Variants in EPHA6 observed in about 807,000 individuals in gnomAD.
EPHA6 encodes EPH receptor A6, also known as ephrin type-A receptor 6.
Under a neutral mutation model 112.0 loss-of-function variants are expected in EPHA6, and 50 were observed. The observed-to-expected ratio is 0.45, with a 90% CI of 0.36 to 0.56. The LOEUF (loss-of-function observed/expected upper bound fraction) is 0.56. Ranked by LOEUF, EPHA6 falls within the 20% of genes least tolerant of loss-of-function variation. The pLI is 0.00. For missense variants in EPHA6, 1,280 were observed against 1,417.4 expected, an observed-to-expected ratio of 0.90 and a Z score of 1.56; for synonymous variants, 529 against 490.7, an observed-to-expected ratio of 1.08 and a Z score of -1.03.
At chr3:97,310,866 A>G (rs2081526281) in intron 5 of EPHA6, among the ~76,000 whole-genome samples, 1 of 151,734 alleles carries the variant, frequency 6.6e-6, no homozygotes, top group African/African-American at 2.4e-5. Context: ...TTTGAGATTC[A>G]TTTGTATGGT....
At chr3:97,662,700 C>T (rs941609828) in intron 14 of EPHA6, among the ~76,000 whole-genome samples, 3 of 152,192 alleles carry the variant, frequency 2.0e-5, no homozygotes, top group Non-Finnish European at 4.4e-5. Flanking sequence ...TGGCATACCC[C>T]TAGCATCTAC....
At chr3:97,733,562 T>C (rs2035129216) in intron 15 of EPHA6, among the ~76,000 whole-genome samples, 1 of 152,056 alleles carries the variant, frequency 6.6e-6, no homozygotes, top group South Asian at 2.1e-4. Flanking sequence ...TATTTATTAA[T>C]GTGTCAGGCA....
At chr3:96,826,897 T>C (rs1204878403) in intron 1 of EPHA6, among the ~76,000 whole-genome samples, 1 of 152,172 alleles carries the variant, frequency 6.6e-6, no homozygotes, top group African/African-American at 2.4e-5. Context: ...GAATAAGTAC[T>C]TCATATACTA....
chr3:97,290,356 G>T (rs946003094), intron 5 of EPHA6, among the ~76,000 whole-genome samples: 2 of 152,096 alleles, frequency 1.3e-5, no homozygotes, highest in African/African-American at 2.4e-5. Context: ...TTGCGTCTAA[G>T]TATGTGGTGG....
intron 5 of EPHA6, among the ~76,000 whole-genome samples, chr3:97,333,125 T>C (rs2082880642): frequency 6.6e-6 from 1 of 152,120 alleles, no homozygotes; most frequent in Non-Finnish European, 1.5e-5. Context: ...TATTTAGATT[T>C]TCTTTGATTT....
intron 10 of EPHA6, among the ~76,000 whole-genome samples, chr3:97,505,120 G>A (rs376332289): frequency 4.8e-4 from 73 of 152,212 alleles, no homozygotes; most frequent in East Asian, 1.5e-3. Context: ...TGGCAAGGGC[G>A]TAGACTTGCT....
intron 3 of EPHA6, among the ~76,000 whole-genome samples, chr3:97,089,877 G>A (rs967617345): frequency 6.6e-6 from 1 of 152,018 alleles, no homozygotes; most frequent in African/African-American, 2.4e-5. Context: ...GAAAACTGAT[G>A]TGATGCTGGT....
chr3:97,150,953 A>C (rs536818215), intron 3 of EPHA6, among the ~76,000 whole-genome samples: 2 of 152,078 alleles, frequency 1.3e-5, no homozygotes, highest in South Asian at 4.1e-4. Context: ...CATTTATCAG[A>C]TTTTTTAAAG....
intron 4 of EPHA6, among the ~76,000 whole-genome samples, chr3:97,228,400 T>G (rs1402638292): frequency 2.0e-5 from 3 of 152,084 alleles, no homozygotes; most frequent in African/African-American, 2.4e-5. Flanking sequence ...ACCAGTTATG[T>G]GAGAACATAT....
At chr3:97,053,252 T>C (rs1218499261) in intron 3 of EPHA6, among the ~76,000 whole-genome samples, 1 of 151,990 alleles carries the variant, frequency 6.6e-6, no homozygotes, top group Admixed American at 6.6e-5. Context: ...TGAAGGGTTA[T>C]AGTAAGTAAG....
chr3:97,670,105 A>G (rs564924239), intron 14 of EPHA6, among the ~76,000 whole-genome samples: 13 of 152,354 alleles, frequency 8.5e-5, no homozygotes, highest in African/African-American at 2.9e-4. Context: ...AGACTTAGCT[A>G]TAATATCCAC....
chr3:97,225,081 G>A lies in EPHA6; in HGVS notation c.1115-1183G>A, dbSNP rs548090400. 4.6e-5 allele frequency among the ~76,000 whole-genome samples: 7 copies of A among 152,184 alleles called. No homozygotes were observed. The South Asian group carries it at 8.3e-4, about 18-fold the overall frequency. ...CGCCATTCTCCTGCCTCAGTCTCCC[G>A]AGTAGCTGGGACTACAGGCGCCCGC... is the stretch of plus-strand genomic sequence containing the variant. On this transcript the variant is annotated intron_variant, in intron 3 of 17. Coordinates refer to ENST00000389672, the MANE Select transcript of EPHA6 (RefSeq NM_001080448.3).
intron 3 of EPHA6, among the ~76,000 whole-genome samples, chr3:97,191,029 C>T (rs1388706760): frequency 6.6e-6 from 1 of 152,072 alleles, no homozygotes; most frequent in African/African-American, 2.4e-5. Flanking sequence ...CAACATATCT[C>T]CAGTCTCCTC....
At chr3:97,464,807 G>A (rs982959557) in intron 7 of EPHA6, among the ~76,000 whole-genome samples, 3 of 152,108 alleles carry the variant, frequency 2.0e-5, no homozygotes, top group Non-Finnish European at 4.4e-5. Flanking sequence ...AAATATGCAT[G>A]TACAAAATGG....
At chr3:97,670,770 A>G (rs78544116) in intron 14 of EPHA6, among the ~76,000 whole-genome samples, 1 of 152,172 alleles carries the variant, frequency 6.6e-6, no homozygotes, top group African/African-American at 2.4e-5. Flanking sequence ...TTCACTATCC[A>G]TATAGGTCCT....
intron 3 of EPHA6, among the ~76,000 whole-genome samples, chr3:97,138,277 C>A (rs2075812737): frequency 6.6e-6 from 1 of 152,196 alleles, no homozygotes; most frequent in Non-Finnish European, 1.5e-5. Flanking sequence ...CGCTGAGCAA[C>A]TGCAGCAAAG....
At chr3:97,680,629 G>A (rs992992969) in intron 14 of EPHA6, among the ~76,000 whole-genome samples, 5 of 152,120 alleles carry the variant, frequency 3.3e-5, no homozygotes, top group African/African-American at 9.7e-5. Flanking sequence ...GACTTTTACT[G>A]TATTGTCATG....
chr3:97,048,976 G>T (rs916167223), intron 3 of EPHA6, among the ~76,000 whole-genome samples: 1 of 152,202 alleles, frequency 6.6e-6, no homozygotes, highest in African/African-American at 2.4e-5. Flanking sequence ...AGACACGAAG[G>T]AGGTGAGGGA....
At chr3:97,134,914 A>G (rs962000226) in intron 3 of EPHA6, among the ~76,000 whole-genome samples, 3 of 152,122 alleles carry the variant, frequency 2.0e-5, no homozygotes, top group Non-Finnish European at 4.4e-5. Flanking sequence ...ATAAGGGTCA[A>G]TCTTCCCTGG....
Sources: gnomAD v4.1 joint callset for allele counts (sites outside exome capture counted in the v4.1 genomes callset) on GRCh38, gnomAD v4.1.1 for gene constraint, MANE v1.5 for transcripts, NCBI Gene and HGNC (gene_info 2026-07-23, HGNC 2026-07-21) for gene names.